The following HMGN3 variants were observed in gnomAD, a reference collection of about 807,000 sequenced individuals.
HMGN3 encodes high mobility group nucleosomal binding domain 3, also known as high mobility group nucleosome-binding domain-containing protein 3.
In HMGN3, 6 loss-of-function variants were observed where a neutral mutation model predicts 18.8. That is an observed-to-expected ratio of 0.32 (90% confidence interval 0.18 to 0.63). HMGN3 has a LOEUF of 0.63. HMGN3 is among the 30% of genes least tolerant of loss of function. The pLI is 0.79. For synonymous variants in HMGN3, 40 were observed against 36.5 expected (o/e 1.10, Z -0.35); for missense variants, 107 against 114.2 (o/e 0.94, Z 0.29).
intron 1 of HMGN3, among the ~76,000 whole-genome samples, chr6:79,231,594 G>C (rs1456908764): frequency 6.6e-6 from 1 of 152,168 alleles, no homozygotes; most frequent in Non-Finnish European, 1.5e-5. Context: ...ACAAAGAAAT[G>C]TCATCAGAAC....
At chr6:79,221,048 GT>G (rs879514159) in intron 1 of HMGN3, among the ~76,000 whole-genome samples, 2 of 151,884 alleles carry the variant, frequency 1.3e-5, no homozygotes, top group East Asian at 3.9e-4. Context: ...CTGTATTTAT[GT>G]TTTTTTCTAA....
intron 2 of HMGN3, among the ~76,000 whole-genome samples, chr6:79,212,375 CTTACT>C (rs950314032): frequency 5.1e-4 from 78 of 152,274 alleles, no homozygotes; most frequent in Admixed American, 9.8e-4. Flanking sequence ...ATTCTCCTTC[CTTACT>C]TTGTTTTTCT....
intron 2 of HMGN3, among the ~76,000 whole-genome samples, chr6:79,210,536 T>C (rs1776633883): frequency 6.6e-6 from 1 of 152,166 alleles, no homozygotes. Context: ...TTCTCTTATA[T>C]TTCTATGGCT....
At chr6:79,202,458 G>A (rs746808761) in intron 4 of HMGN3, 69 bp from the exon 5 acceptor site, 2 of 1,247,814 alleles carry the variant, frequency 1.6e-6, no homozygotes, top group Non-Finnish European at 2.3e-6. Flanking sequence ...AAATCAATCA[G>A]CCTCTGTCCA....
chr6:79,208,407 G>A, intron 3 of HMGN3, 140 bp downstream of exon 3: 1 of 740,830 alleles, frequency 1.3e-6, no homozygotes, highest in Non-Finnish European at 2.4e-6. Context: ...AAATTTGCTA[G>A]ACATGAGGAC....
intron 1 of HMGN3, 135 bp from the exon 2 acceptor site, chr6:79,215,157 C>T (rs1277842151): frequency 3.3e-6 from 2 of 601,680 alleles, no homozygotes; most frequent in African/African-American, 3.7e-5. Flanking sequence ...TAAATTACAA[C>T]AGGGTATGTC....
chr6:79,211,909 G>C (rs1776708977), intron 2 of HMGN3, among the ~76,000 whole-genome samples: 1 of 152,096 alleles, frequency 6.6e-6, no homozygotes, highest in South Asian at 2.1e-4. Context: ...ACTGCACTTT[G>C]CTGGATACTG....
At chr6:79,226,534 C>T (rs776746135) in intron 1 of HMGN3, among the ~76,000 whole-genome samples, 3 of 152,122 alleles carry the variant, frequency 2.0e-5, no homozygotes, top group Non-Finnish European at 4.4e-5. Flanking sequence ...ATAGTATATA[C>T]TTCTCTCGCA....
chr6:79,217,137 T>C (rs540790039), intron 1 of HMGN3, among the ~76,000 whole-genome samples: 3 of 152,210 alleles, frequency 2.0e-5, no homozygotes, highest in African/African-American at 2.4e-5. Flanking sequence ...ACACTGAAAA[T>C]GTGAATGCCT....
At chr6:79,223,300 G>C (rs1457280163) in intron 1 of HMGN3, among the ~76,000 whole-genome samples, 1 of 152,150 alleles carries the variant, frequency 6.6e-6, no homozygotes, top group Middle Eastern at 3.4e-3. Context: ...TCATGAGGTC[G>C]GGAGATGGAG....
chr6:79,230,207 T>G lies in HMGN3; in HGVS notation c.15+4339A>C, dbSNP rs983995606. Reference sequence around the variant, plus strand: ...ACAAAAGACTACATATTGTATCATTTCTTTTAAATAAAATTTCCAGAAAAG... The same window carrying G: ...ACAAAAGACTACATATTGTATCATTGCTTTTAAATAAAATTTCCAGAAAAG... On this transcript the variant is annotated intron_variant, in intron 1 of 5. Transcript: ENST00000344726. Among the ~76,000 whole-genome samples the G allele has an allele frequency of 2.6e-5, 4 of 152,320 alleles. No homozygotes were observed. In the East Asian group the frequency reaches 7.7e-4, roughly 29 times the overall value.
chr6:79,228,876 T>TCACCTAGCCAA (rs1777693391), intron 1 of HMGN3, among the ~76,000 whole-genome samples: 1 of 152,174 alleles, frequency 6.6e-6, no homozygotes, highest in Non-Finnish European at 1.5e-5. Context: ...GCCAAGATAG[T>TCACCTAGCCAA]GTAGCACTGG....
At chr6:79,226,443 C>G (rs747227576) in intron 1 of HMGN3, among the ~76,000 whole-genome samples, 2 of 152,078 alleles carry the variant, frequency 1.3e-5, no homozygotes, top group African/African-American at 4.8e-5. Flanking sequence ...CAGTCTGACT[C>G]ATAGAAAGAG....
rs374210614 is a variant in HMGN3, at chr6:79,229,861, G to A, written c.15+4685C>T. ...CTACTGCCCTCCAGCCTGGGCGACT[G>A]AGCCAGACTCCGCCTCCAAAAAAAA... On this transcript the variant is annotated intron_variant, in intron 1 of 5. Transcript: ENST00000344726. Among the ~76,000 whole-genome samples, 4 of 152,022 alleles carry A rather than the reference G, an allele frequency of 2.6e-5. No homozygotes were observed. In the East Asian group the frequency reaches 5.8e-4, roughly 22 times the overall value.
intron 1 of HMGN3, among the ~76,000 whole-genome samples, chr6:79,220,516 G>A (rs1037415511): frequency 4.6e-5 from 7 of 152,122 alleles, no homozygotes; most frequent in South Asian, 2.1e-4. Context: ...GCGCGATCTC[G>A]GCTCACTTCA....
intron 2 of HMGN3, among the ~76,000 whole-genome samples, chr6:79,213,612 GGATAACAA>G (rs1385272202): frequency 6.6e-6 from 1 of 152,108 alleles, no homozygotes; most frequent in Non-Finnish European, 1.5e-5. Context: ...ACTCTGTTTT[GGATAACAA>G]ACTTCATGAT....
chr6:79,213,535 T>C (rs775507453), intron 2 of HMGN3, among the ~76,000 whole-genome samples: 1 of 152,200 alleles, frequency 6.6e-6, no homozygotes, highest in Non-Finnish European at 1.5e-5. Context: ...AAAAATCACA[T>C]TTTGCCATTT....
intron 1 of HMGN3, among the ~76,000 whole-genome samples, chr6:79,230,176 T>A (rs896573025): frequency 6.6e-6 from 1 of 151,914 alleles, no homozygotes; most frequent in Admixed American, 6.6e-5. Context: ...AGTGAAAAAA[T>A]CAGTCACAAA....
At chr6:79,203,683 G>T in intron 3 of HMGN3, 53 bp from the exon 4 acceptor site, 1 of 1,313,304 alleles carries the variant, frequency 7.6e-7, no homozygotes, top group Non-Finnish European at 1.1e-6. Flanking sequence ...AAAACTATCA[G>T]CACCAAAAGA....
Sources: gnomAD v4.1 joint callset for allele counts (sites outside exome capture counted in the v4.1 genomes callset) on GRCh38, gnomAD v4.1.1 for gene constraint, MANE v1.5 for transcripts, NCBI Gene and HGNC (gene_info 2026-07-23, HGNC 2026-07-21) for gene names.